Variants in NBEAL1 observed in about 807,000 individuals in gnomAD.
NBEAL1 encodes the protein neurobeachin like 1.
NBEAL1 carries 273 observed loss-of-function variants against 351.3 expected under a neutral mutation model. The observed-to-expected ratio is 0.78, with a 90% CI of 0.70 to 0.86. NBEAL1 has a LOEUF of 0.86. Ranked by LOEUF, NBEAL1 falls within the 40% of genes least tolerant of loss-of-function variation. The pLI is 0.00. For missense variants in NBEAL1, 2,961 were observed against 3,201.3 expected (o/e 0.92, Z 1.81); for synonymous variants, 1,050 against 1,086.4 (o/e 0.97, Z 0.66).
intron 34 of NBEAL1, among the ~76,000 whole-genome samples, chr2:203,151,043 C>T (rs1263894770): frequency 6.6e-6 from 1 of 152,116 alleles, no homozygotes; most frequent in Non-Finnish European, 1.5e-5. Flanking sequence ...TAAAATGGTG[C>T]TAAATAGGCT....
chr2:203,148,942 A>G lies in NBEAL1; in HGVS notation c.5305-49A>G, dbSNP rs762224160. The G allele has an allele frequency of 4.8e-6, 7 of 1,443,440 alleles. No homozygotes were observed. In the South Asian group the frequency reaches 8.6e-5, roughly 18 times the overall value. 89.4% of individuals were successfully genotyped at this position (1,443,440 alleles called of 1,614,324 possible). On this transcript the variant is annotated intron_variant, in intron 33 of 55. Coordinates refer to ENST00000683969, the MANE Select transcript of NBEAL1 (RefSeq NM_001378026.1). ...AATTATGGAATTAAAATGTAAATAT[A>G]CCTGTAAATATATGAGTCAATGACC...
At chr2:203,081,220 A>G (rs2061865914) in intron 8 of NBEAL1, among the ~76,000 whole-genome samples, 2 of 152,190 alleles carry the variant, frequency 1.3e-5, no homozygotes, top group Non-Finnish European at 2.9e-5. Flanking sequence ...ATCAAAGTCT[A>G]ATTACTGGTT....
At chr2:203,152,710 T>A (rs1273244652) in intron 35 of NBEAL1, among the ~76,000 whole-genome samples, 1 of 152,072 alleles carries the variant, frequency 6.6e-6, no homozygotes, top group East Asian at 1.9e-4. Flanking sequence ...TTTTTTAAGA[T>A]AGGTCTGTGA....
rs180910546 is a variant in NBEAL1, at chr2:203,062,123, T to C, written c.515+4670T>C. The C allele has an allele frequency of 7.9e-6, 3 of 381,610 alleles. No individual in the cohort carries two copies. Among genetic ancestry groups the C allele is most frequent in the Admixed American group, 3.4e-5 (1 of 29,042 alleles). 23.6% of individuals were successfully genotyped at this position (381,610 alleles called of 1,614,324 possible). ...CATGGTTTTACTTTAGTAGAAACTT[T>C]CTTGTTCAGATTAAGATTTGAATTC... On this transcript the variant is annotated intron_variant, in intron 6 of 55. Coordinates refer to ENST00000683969, the MANE Select transcript of NBEAL1 (RefSeq NM_001378026.1). This position sits in a 1 kb window ranked among gnomAD's most constrained non-coding sequence, Gnocchi z 4.2.
chr2:203,209,355 C>A (rs534433739), intron 53 of NBEAL1, 33 bp downstream of exon 53: 14 of 1,512,540 alleles, frequency 9.3e-6, no homozygotes, highest in Non-Finnish European at 1.0e-5. Flanking sequence ...GAGGTAGACT[C>A]CCAATAGCAT....
intron 9 of NBEAL1, 89 bp downstream of exon 9, chr2:203,083,614 G>T: frequency 9.9e-7 from 1 of 1,005,096 alleles, no homozygotes; most frequent in Non-Finnish European, 1.4e-6. Context: ...CCATTGTATG[G>T]AAAGTATTGA....
chr2:203,016,414 T>C lies in NBEAL1; in HGVS notation c.30T>C (p.Leu10=). Residue 10 remains leucine, a synonymous_variant, in exon 2 of 56, where the codon CTT becomes CTC. Transcript: ENST00000683969. ...CATCCAGAGAGAGGCTCTTTGAACT[T>C]TGGATGCTTTATTGTACAAAGGTAA... MASRERLFE[L]WMLYCTKKDP... 3.3e-6 allele frequency: 5 copies of C among 1,496,618 alleles called. No individual in the cohort carries two copies. The highest frequency in any genetic ancestry group is 4.5e-6 in the Non-Finnish European group (5 of 1,108,694). 92.7% of individuals were successfully genotyped at this position (1,496,618 alleles called of 1,614,324 possible).
chr2:203,175,061 G>A, intron 41 of NBEAL1, 86 bp from the exon 42 acceptor site: 1 of 1,169,418 alleles, frequency 8.6e-7, no homozygotes, highest in East Asian at 2.4e-5. Flanking sequence ...TTTAAAAACT[G>A]TATTTTCAGA....
intron 44 of NBEAL1, among the ~76,000 whole-genome samples, chr2:203,187,744 CA>C (rs71034226): frequency 4.1e-4 from 59 of 142,852 alleles, no homozygotes; most frequent in Admixed American, 4.9e-4. Flanking sequence ...GACTTCGTCC[CA>C]AAAAAAAAAA....
At chr2:203,156,161 A>G (rs2063792983) in intron 35 of NBEAL1, among the ~76,000 whole-genome samples, 1 of 152,228 alleles carries the variant, frequency 6.6e-6, no homozygotes, top group South Asian at 2.1e-4. Flanking sequence ...TGAAATTAAA[A>G]TCCACATTAT....
intron 3 of NBEAL1, among the ~76,000 whole-genome samples, chr2:203,042,369 A>G (rs2061156009): frequency 6.6e-6 from 1 of 152,222 alleles, no homozygotes; most frequent in East Asian, 1.9e-4. Flanking sequence ...GTCTGGAGGC[A>G]GAGCTTCCAC....
intron 33 of NBEAL1, among the ~76,000 whole-genome samples, chr2:203,147,455 A>G (rs1057182378): frequency 2.0e-5 from 3 of 152,166 alleles, no homozygotes; most frequent in Admixed American, 6.5e-5. Context: ...CAATCTAACA[A>G]AATATATACA....
chr2:203,190,406 A>AATCTACTTCT lies in NBEAL1; in HGVS notation c.6921+17_6921+18insATCTACTTCT. The AATCTACTTCT allele has an allele frequency of 1.3e-6, 2 of 1,550,166 alleles. No individual in the cohort carries two copies. Among genetic ancestry groups the AATCTACTTCT allele is most frequent in the Non-Finnish European group, 1.8e-6 (2 of 1,132,064 alleles). On this transcript the variant is annotated intron_variant, in intron 46 of 55. Transcript: ENST00000683969. ...TTATTAAAGGTAAGTCAACAACTTA[A>AATCTACTTCT]GAAGTAGATTTAAGTCAACTTAAGA...
intron 46 of NBEAL1, among the ~76,000 whole-genome samples, chr2:203,193,094 C>T (rs2065141725): frequency 1.3e-5 from 2 of 150,720 alleles, no homozygotes; most frequent in Non-Finnish European, 2.9e-5. Flanking sequence ...ACCTCAGCCT[C>T]TCAAGTAGCT....
intron 51 of NBEAL1, among the ~76,000 whole-genome samples, chr2:203,207,616 C>G (rs1001796491): frequency 2.6e-5 from 4 of 152,170 alleles, no homozygotes; most frequent in Admixed American, 2.0e-4. Context: ...ACCTTACCCC[C>G]AACCCTGTGC....
intron 42 of NBEAL1, among the ~76,000 whole-genome samples, chr2:203,177,965 G>A (rs1430498104): frequency 2.6e-5 from 4 of 151,126 alleles, no homozygotes; most frequent in Non-Finnish European, 5.9e-5. Flanking sequence ...ATTGCAGTGA[G>A]CCAAGATCAT....
intron 51 of NBEAL1, among the ~76,000 whole-genome samples, chr2:203,206,514 T>C (rs567521393): frequency 5.5e-4 from 84 of 152,222 alleles, no homozygotes; most frequent in African/African-American, 1.9e-3. Flanking sequence ...GCAACCTCCC[T>C]GCCTGATTCT....
At chr2:203,127,075 G>A (rs958905377) in intron 23 of NBEAL1, 149 bp downstream of exon 23, 1 of 572,062 alleles carries the variant, frequency 1.7e-6, no homozygotes, top group Non-Finnish European at 3.0e-6. Context: ...TTAAAATGAT[G>A]AACAGTGGAT....
chr2:203,040,259 G>T (rs1021785950), intron 2 of NBEAL1: 77 of 861,550 alleles, frequency 8.9e-5, no homozygotes, highest in Non-Finnish European at 1.4e-4. Flanking sequence ...AGGTTTAAGC[G>T]ACTGGAATCA....
Sources: gnomAD v4.1 joint callset for allele counts (sites outside exome capture counted in the v4.1 genomes callset) on GRCh38, gnomAD v4.1.1 for gene constraint, Gnocchi (gnomAD v3.1) non-coding constraint, MANE v1.5 for transcripts, NCBI Gene and HGNC (gene_info 2026-07-23, HGNC 2026-07-21) for gene names.